The following CEP192 variants were observed in gnomAD, a reference collection of about 807,000 sequenced individuals.
The protein encoded by CEP192 is centrosomal protein of 192 kDa.
In CEP192, 151 loss-of-function variants were observed where a neutral mutation model predicts 271.8. The ratio of observed to expected loss-of-function variants is 0.56; its 90% CI spans 0.49 to 0.64. The LOEUF (loss-of-function observed/expected upper bound fraction) is 0.64, where lower values mean the gene tolerates loss of function less well. CEP192 is among the 30% of genes least tolerant of loss of function. The pLI is 0.00. For synonymous variants in CEP192, 995 were observed against 1,076.5 expected (o/e 0.92, Z 1.48); for missense variants, 2,910 against 3,020.5 (o/e 0.96, Z 0.86).
intron 11 of CEP192, among the ~76,000 whole-genome samples, chr18:13,036,893 C>T (rs1249896834): frequency 6.6e-6 from 1 of 152,204 alleles, no homozygotes; most frequent in South Asian, 2.1e-4. Context: ...TCTGATGACT[C>T]CTGATGAAAT....
At chr18:13,104,252 A>C (rs1787003) in intron 39 of CEP192, among the ~76,000 whole-genome samples, 80 of 152,128 alleles carry the variant, frequency 5.3e-4, no homozygotes, top group African/African-American at 1.5e-3. Context: ...GAGTGCTGTC[A>C]TATGTTCCCA....
chr18:13,026,367 G>T lies in CEP192; in HGVS notation c.1051-3296G>T, dbSNP rs77176382. 1.5e-3 allele frequency among the ~76,000 whole-genome samples: 234 copies of T among 152,142 alleles called. 8 individuals are homozygous for T. The East Asian group carries it at 0.038, about 25-fold the overall frequency. Reference sequence around the variant, plus strand: ...TTGGTTTTTATTTATTTTTTTCCAAGTACAGCCCTATTGCAGTATGCCTTT... The same window carrying T: ...TTGGTTTTTATTTATTTTTTTCCAATTACAGCCCTATTGCAGTATGCCTTT... On this transcript the variant is annotated intron_variant, in intron 9 of 44. Transcript: ENST00000506447.
rs368642059 is a variant in CEP192 at position 13,049,922 on chromosome 18, A to G, written c.3017+31A>G. 231 of 1,579,448 alleles carry G rather than the reference A, an allele frequency of 1.5e-4. No homozygotes were observed. The African/African-American group carries it at 3.3e-3, about 22-fold the overall frequency. On this transcript the variant is annotated intron_variant, in intron 17 of 44. Transcript: ENST00000506447. ...TGTGTACCTTCTTTTTTAAAAAATA[A>G]AAATATGCGTTCAGTATAGGAACTG...
intron 5 of CEP192, among the ~76,000 whole-genome samples, chr18:13,014,971 C>A (rs1267795121): frequency 6.6e-6 from 1 of 152,190 alleles, no homozygotes; most frequent in Non-Finnish European, 1.5e-5. Context: ...TAGATACAGG[C>A]TGCCTGGTCT....
At position 13,034,698 on chromosome 18, in the gene CEP192, C is replaced by T. The variant is rs987136320; in HGVS notation, c.1535-2539C>T. ...GGGTGTGGTGGTGGGCACCTGTAGT[C>T]CCAGCTACTCAGGAGGGGGCTGAGG... On this transcript the variant is annotated intron_variant, in intron 11 of 44. Transcript: ENST00000506447. 5.9e-5 allele frequency among the ~76,000 whole-genome samples: 9 copies of T among 151,606 alleles called. No homozygotes were observed. The Middle Eastern group carries it at 0.014, about 229-fold the overall frequency.
At position 13,106,509 on chromosome 18, in the gene CEP192, T is replaced by TACCACCACCACCACCACC. The variant is rs761390676; in HGVS notation, c.7047+1440_7047+1457dup. Among the ~76,000 whole-genome samples the TACCACCACCACCACCACC allele has an allele frequency of 1.6e-3, 220 of 136,922 alleles. 1 individual carries two copies. Among genetic ancestry groups the TACCACCACCACCACCACC allele is most frequent in the African/African-American group, 6.2e-3 (211 of 34,212 alleles). 89.8% of individuals were successfully genotyped at this position (136,922 alleles called of 152,430 possible). ...ACTCACCACTGCCATCACCATTTCC[T>TACCACCACCACCACCACC]ACCACCACCACCACCACCACCACCA... is the stretch of plus-strand genomic sequence containing the variant. On this transcript the variant is annotated intron_variant, in intron 40 of 44. Transcript: ENST00000506447.
chr18:13,069,860 A>G lies in CEP192; in HGVS notation c.5174+4A>G. ...ATCCTGAAGCCTGCGAGGAAAGGTA[A>G]TATAAAAATGTTATAATGGACCGGG... On this transcript the variant is annotated splice_donor_region_variant and intron_variant, in intron 27 of 44. Transcript: ENST00000506447. 2 of 1,533,226 alleles carry G rather than the reference A, an allele frequency of 1.3e-6. No homozygotes were observed. Among genetic ancestry groups the G allele is most frequent in the South Asian group, 1.1e-5 (1 of 89,234 alleles). 95.0% of individuals were successfully genotyped at this position (1,533,226 alleles called of 1,614,324 possible).
intron 36 of CEP192, among the ~76,000 whole-genome samples, chr18:13,097,330 G>A (rs761082904): frequency 2.0e-5 from 3 of 152,286 alleles, no homozygotes; most frequent in East Asian, 3.9e-4. Context: ...TGATCCCATT[G>A]TCCACTTATA....
intron 44 of CEP192, 177 bp from the exon 45 acceptor site, chr18:13,124,455 C>G (rs1448335031): frequency 1.9e-6 from 1 of 525,558 alleles, no homozygotes; most frequent in Non-Finnish European, 3.2e-6. Context: ...ACGTTTTTCT[C>G]TCCTTTGTGT....
At chr18:13,080,212 C>T (rs1029594030) in intron 30 of CEP192, among the ~76,000 whole-genome samples, 5 of 152,012 alleles carry the variant, frequency 3.3e-5, no homozygotes, top group East Asian at 1.9e-4. Flanking sequence ...CATTGAATCT[C>T]TAAATTACCT....
intron 43 of CEP192, among the ~76,000 whole-genome samples, chr18:13,117,300 C>A (rs1402252450): frequency 6.6e-6 from 1 of 152,096 alleles, no homozygotes; most frequent in African/African-American, 2.4e-5. Context: ...ACTTGAAAAT[C>A]AAAAATTTGT....
rs543801891 is a variant in CEP192 at position 13,036,194 on chromosome 18, C to T, written c.1535-1043C>T. ...TGTTTTTTTTAATAAGAAATGGTCACTTAACAAGGTAAAGAACTAGCACTG... is the reference window on the plus strand; with the variant it reads ...TGTTTTTTTTAATAAGAAATGGTCATTTAACAAGGTAAAGAACTAGCACTG... On this transcript the variant is annotated intron_variant, in intron 11 of 44. Transcript: ENST00000506447. Among the ~76,000 whole-genome samples, 3 of 152,012 alleles carry T rather than the reference C, an allele frequency of 2.0e-5. No homozygotes were observed. In the South Asian group the frequency reaches 6.2e-4, roughly 32 times the overall value.
intron 17 of CEP192, 45 bp from the exon 18 acceptor site, chr18:13,052,874 T>A: frequency 6.9e-7 from 1 of 1,444,838 alleles, no homozygotes; most frequent in Non-Finnish European, 9.3e-7. Context: ...TGTAGATAGT[T>A]GAAGGACTGG....
In CEP192 at chr18:13,114,208, C is replaced by A. The variant is rs754559228; in HGVS notation, c.7246C>A (p.Pro2416Thr). 1.9e-6 allele frequency: 3 copies of A among 1,613,906 alleles called. No homozygotes were observed. The South Asian group carries it at 3.3e-5, about 18-fold the overall frequency. Residue 2416 changes from proline (P) to threonine (T), a missense_variant, in exon 42 of 45, where the codon CCC becomes ACC. Coordinates refer to ENST00000506447, the MANE Select transcript of CEP192 (RefSeq NM_032142.4). ...SLIKIDHLVK[P>T]RRQAVSEASA... ...CATTAAAATAGATCATTTAGTTAAG[C>A]CCCGAAGACAAGCTGTGTCAGAGGC...
At chr18:13,018,114 G>T (rs1251077844) in intron 7 of CEP192, among the ~76,000 whole-genome samples, 1 of 152,116 alleles carries the variant, frequency 6.6e-6, no homozygotes, top group Non-Finnish European at 1.5e-5. Flanking sequence ...ACTTCTCATT[G>T]CCCTACACCG....
At chr18:13,043,394 T>C (rs979807791) in intron 15 of CEP192, among the ~76,000 whole-genome samples, 1 of 152,208 alleles carries the variant, frequency 6.6e-6, no homozygotes, top group Non-Finnish European at 1.5e-5. Context: ...TTCTCTAATG[T>C]GCTAACTTTG....
At chr18:13,112,147 A>G (rs1160091431) in intron 40 of CEP192, among the ~76,000 whole-genome samples, 2 of 152,258 alleles carry the variant, frequency 1.3e-5, no homozygotes, top group Non-Finnish European at 2.9e-5. Flanking sequence ...AAGTTGAAGC[A>G]GATTTTCAAA....
rs8085224 is a variant in CEP192, at chr18:13,052,829, A to C, written c.3018-90A>C. On this transcript the variant is annotated intron_variant, in intron 17 of 44. Transcript: ENST00000506447. ...TTGAATTTGTGGTTGAGTCATTTGCAAGATTGTAGGCCCATAGGAATGGTT... is the reference window on the plus strand; with the variant it reads ...TTGAATTTGTGGTTGAGTCATTTGCCAGATTGTAGGCCCATAGGAATGGTT... 8,909 of 955,562 alleles carry C rather than the reference A, an allele frequency of 9.3e-3. 486 individuals carry two copies. The African/African-American group carries it at 0.12, about 13-fold the overall frequency. 59.2% of individuals were successfully genotyped at this position (955,562 alleles called of 1,614,324 possible).
intron 44 of CEP192, among the ~76,000 whole-genome samples, chr18:13,122,991 T>G (rs2040743923): frequency 6.6e-6 from 1 of 152,232 alleles, no homozygotes; most frequent in African/African-American, 2.4e-5. Context: ...TTATTCAGTG[T>G]ATCTGTAAAT....
Sources: gnomAD v4.1 joint callset for allele counts (sites outside exome capture counted in the v4.1 genomes callset) on GRCh38, gnomAD v4.1.1 for gene constraint, MANE v1.5 for transcripts, NCBI Gene and HGNC (gene_info 2026-07-23, HGNC 2026-07-21) for gene names.